Variants in APP observed in about 807,000 individuals in gnomAD.
The protein encoded by APP is amyloid-beta precursor protein.
In APP, 31 loss-of-function variants were observed where a neutral mutation model predicts 101.4. The ratio of observed to expected loss-of-function variants is 0.31; its 90% CI spans 0.23 to 0.41. The LOEUF (loss-of-function observed/expected upper bound fraction) is 0.41. Ranked by LOEUF, APP falls within the 10% of genes least tolerant of loss-of-function variation. APP has a pLI of 1.00. For missense variants in APP, 839 were observed against 1,003.7 expected, an observed-to-expected ratio of 0.84 and a Z score of 2.22; for synonymous variants, 366 against 364.4, an observed-to-expected ratio of 1.00 and a Z score of -0.05.
rs1270424282 is a variant in APP, at chr21:25,890,395, G to A, written c.2211+1327C>T. ...AATGGTTTAGAGCCCATTTCCTTGG[G>A]GATAGTGGAATCTTCAACTCCCTAG... is the stretch of plus-strand genomic sequence containing the variant. On this transcript the variant is annotated intron_variant, in intron 17 of 17. Coordinates refer to ENST00000346798, the MANE Select transcript of APP (RefSeq NM_000484.4). Among the ~76,000 whole-genome samples the A allele has an allele frequency of 3.3e-5, 5 of 152,272 alleles. No individual in the cohort carries two copies. The South Asian group carries it at 6.2e-4, about 19-fold the overall frequency.
intron 17 of APP, among the ~76,000 whole-genome samples, chr21:25,883,903 A>AT (rs916933100): frequency 2.0e-5 from 3 of 151,276 alleles, no homozygotes; most frequent in Non-Finnish European, 2.9e-5. Flanking sequence ...TTATGTGCCC[A>AT]TTTTTTTTGA....
chr21:25,971,207 C>G (rs2042019101), intron 11 of APP, among the ~76,000 whole-genome samples: 1 of 140,258 alleles, frequency 7.1e-6, no homozygotes, highest in Middle Eastern at 3.5e-3. Flanking sequence ...GCCACCACAC[C>G]TGGCTAATTT....
In APP at chr21:26,089,951, C is replaced by T. The variant is rs2061787725; in HGVS notation, c.347G>A (p.Arg116His). The T allele has an allele frequency of 1.2e-6, 2 of 1,614,054 alleles. No homozygotes were observed. Among genetic ancestry groups the T allele is most frequent in the Non-Finnish European group, 8.5e-7 (1 of 1,179,962 alleles). The change falls in exon 3 of 18, where the codon CGC (arginine) becomes CAC (histidine). Residue 116 changes from arginine to histidine, a missense_variant. Physicochemically the swap from Arg to His is conservative, Grantham distance 29 (BLOSUM62 0). Transcript: ENST00000346798. ...KTHPHFVIPY[R>H]CLVGEFVSDA... ...ACGGCCGGCCGGCTCACCTAAGCAG[C>T]GGTAGGGAATCACAAAGTGGGGATG...
intron 3 of APP, among the ~76,000 whole-genome samples, chr21:26,066,359 G>A (rs45545631): frequency 0.014 from 2,180 of 152,128 alleles, 53 homozygotes; most frequent in African/African-American, 0.05. Context: ...ATACAGTTTA[G>A]TGTTAAGTAG....
rs574167682 is a variant in APP at position 26,108,913 on chromosome 21, T to G, written c.225+3066A>C. ...AACAAAAGAAAAAAAAAGAAAAAAA[T>G]AAATAGATAAAAAATAAAGTCTAGT... On this transcript the variant is annotated intron_variant, in intron 2 of 17. Transcript: ENST00000346798. Among the ~76,000 whole-genome samples, 16 of 151,506 alleles carry G rather than the reference T, an allele frequency of 1.1e-4. No individual in the cohort carries two copies. The East Asian group carries it at 1.2e-3, about 11-fold the overall frequency.
chr21:26,030,237 T>C (rs2044761152), intron 5 of APP, among the ~76,000 whole-genome samples: 1 of 152,216 alleles, frequency 6.6e-6, no homozygotes, highest in Admixed American at 6.5e-5. Context: ...AAAGTGCTAT[T>C]CTGAATCCTA....
intron 6 of APP, among the ~76,000 whole-genome samples, chr21:26,012,970 C>T (rs1165848710): frequency 7.2e-6 from 1 of 138,948 alleles, no homozygotes; most frequent in Non-Finnish European, 1.5e-5. Context: ...ACTGAGACTC[C>T]ATGTCAACAA....
At chr21:26,035,925 G>A (rs2045088674) in intron 5 of APP, among the ~76,000 whole-genome samples, 1 of 152,160 alleles carries the variant, frequency 6.6e-6, no homozygotes, top group Non-Finnish European at 1.5e-5. Flanking sequence ...ATAATCCCTA[G>A]GAGAGGGCAT....
At position 26,112,284 on chromosome 21, in the gene APP, C is replaced by T. The variant is rs887760484; in HGVS notation, c.58-138G>A. 6 of 855,834 alleles carry T rather than the reference C, an allele frequency of 7.0e-6. No individual in the cohort carries two copies. The Admixed American group carries it at 7.9e-5, about 11-fold the overall frequency. The allele number at this position is 855,834 out of a possible 1,614,324, so 53.0% of individuals were successfully genotyped here. The stretch of plus-strand genomic sequence containing the variant: ...GGAATCAGCCCGGTCTTCAACACTC[C>T]TTTAGATTAAGTGTTATGTATGCTA... On this transcript the variant is annotated intron_variant, in intron 1 of 17. Transcript: ENST00000346798.
chr21:26,036,933 T>A (rs544158064), intron 5 of APP, among the ~76,000 whole-genome samples: 1 of 152,112 alleles, frequency 6.6e-6, no homozygotes, highest in Non-Finnish European at 1.5e-5. Context: ...TGGAATAACC[T>A]AGATGTCCAA....
At chr21:26,048,666 A>G (rs1314737016) in intron 5 of APP, among the ~76,000 whole-genome samples, 1 of 152,232 alleles carries the variant, frequency 6.6e-6, no homozygotes, top group African/African-American at 2.4e-5. Context: ...TCTAACAGAT[A>G]AAAAGAGATA....
chr21:26,063,604 T>C (rs1271670760), intron 3 of APP, among the ~76,000 whole-genome samples: 2 of 152,054 alleles, frequency 1.3e-5, no homozygotes, highest in African/African-American at 4.8e-5. Flanking sequence ...CCGGAATAAT[T>C]TGAGCAATAA....
intron 3 of APP, among the ~76,000 whole-genome samples, chr21:26,065,588 G>T (rs1369316297): frequency 6.6e-6 from 1 of 152,106 alleles, no homozygotes; most frequent in Non-Finnish European, 1.5e-5. Context: ...TTACAAATGA[G>T]GAATCTTGAG....
At chr21:26,079,968 A>C (rs536107501) in intron 3 of APP, among the ~76,000 whole-genome samples, 1 of 152,244 alleles carries the variant, frequency 6.6e-6, no homozygotes, top group Non-Finnish European at 1.5e-5. Context: ...TATTAAAAAT[A>C]CAAAAATCTG....
chr21:26,071,811 T>A (rs2061416416), intron 3 of APP, among the ~76,000 whole-genome samples: 1 of 152,218 alleles, frequency 6.6e-6, no homozygotes, highest in African/African-American at 2.4e-5. Context: ...ATTAACAGGC[T>A]GTAGGATCTT....
chr21:25,891,651 A>G, intron 17 of APP, 71 bp downstream of exon 17: 1 of 1,486,164 alleles, frequency 6.7e-7, no homozygotes, highest in African/African-American at 1.4e-5. Context: ...GCTAGTTCTT[A>G]GCAAAAAGCT....
chr21:26,140,407 C>T (rs1335345266), intron 1 of APP: 5 of 1,394,324 alleles, frequency 3.6e-6, no homozygotes, highest in Non-Finnish European at 4.7e-6. Context: ...GGATCACACG[C>T]ACACTGCGCC....
intron 15 of APP, among the ~76,000 whole-genome samples, chr21:25,898,154 T>C (rs2038202755): frequency 6.6e-6 from 1 of 152,216 alleles, no homozygotes; most frequent in African/African-American, 2.4e-5. Flanking sequence ...CAATTACAAA[T>C]AAATTATGTT....
At chr21:26,098,149 G>T (rs2061987887) in intron 2 of APP, among the ~76,000 whole-genome samples, 1 of 147,876 alleles carries the variant, frequency 6.8e-6, no homozygotes, top group African/African-American at 2.5e-5. Flanking sequence ...GAAAGAGGGG[G>T]AATAGAAACA....
Sources: allele counts gnomAD v4.1 joint callset (sites outside exome capture counted in the v4.1 genomes callset), GRCh38; gene constraint gnomAD v4.1.1; transcripts MANE v1.5; gene names NCBI Gene and HGNC (gene_info 2026-07-23, HGNC 2026-07-21).